TGFBRAP1: variants seen among roughly 807,000 people sequenced by gnomAD.
TGFBRAP1 encodes the protein transforming growth factor-beta receptor-associated protein 1.
TGFBRAP1 carries 20 observed loss-of-function variants against 83.2 expected under a neutral mutation model. The observed-to-expected ratio is 0.24, with a 90% CI of 0.17 to 0.35. TGFBRAP1 has a LOEUF of 0.35. Among genes scored for constraint, TGFBRAP1 ranks in the 10% least tolerant of loss-of-function variants. TGFBRAP1 has a pLI of 1.00. For missense variants in TGFBRAP1, 950 were observed against 1,099.4 expected (o/e 0.86, Z 1.92); for synonymous variants, 415 against 459.8 (o/e 0.90, Z 1.25).
chr2:105,290,567 G>C (rs1677868442), intron 4 of TGFBRAP1, among the ~76,000 whole-genome samples: 1 of 151,822 alleles, frequency 6.6e-6, no homozygotes, highest in African/African-American at 2.4e-5. Flanking sequence ...GTGTATATGA[G>C]AGAAAGACAG....
chr2:105,288,707 A>G (rs536108179), intron 4 of TGFBRAP1, among the ~76,000 whole-genome samples: 1 of 152,324 alleles, frequency 6.6e-6, no homozygotes, highest in Non-Finnish European at 1.5e-5. Context: ...AAACCATGTA[A>G]GTTATTGTCT....
At chr2:105,328,025 T>G (rs1679271815) in intron 1 of TGFBRAP1, among the ~76,000 whole-genome samples, 1 of 152,204 alleles carries the variant, frequency 6.6e-6, no homozygotes, top group Admixed American at 6.5e-5. Flanking sequence ...CTCTACATCC[T>G]CATTTATATT....
rs78221541 is a variant in TGFBRAP1 at position 105,298,048 on chromosome 2, A to G, written c.883+463T>C. Among the ~76,000 whole-genome samples, 779 of 152,252 alleles carry G rather than the reference A, an allele frequency of 5.1e-3. 8 individuals are homozygous for G. Among genetic ancestry groups the G allele is most frequent in the African/African-American group, 0.018 (730 of 41,552 alleles). On this transcript the variant is annotated intron_variant, in intron 3 of 11. Coordinates refer to ENST00000393359, the MANE Select transcript of TGFBRAP1 (RefSeq NM_004257.6). ...CCCTGGTCTGCTGCAGCCTCAGCTC[A>G]CGCTGCCCCTTCAAACACACCATGC...
intron 1 of TGFBRAP1, among the ~76,000 whole-genome samples, chr2:105,319,795 C>T (rs1159202920): frequency 6.7e-6 from 1 of 148,440 alleles, no homozygotes; most frequent in African/African-American, 2.5e-5. Flanking sequence ...ATATGTTTAA[C>T]ATATATAGGT....
Position 105,275,707 on chromosome 2 carries a change from G to A in TGFBRAP1, c.1522-4C>T. The A allele has an allele frequency of 6.3e-7, 1 of 1,587,316 alleles. No homozygotes were observed. On this transcript the variant is annotated splice_polypyrimidine_tract_variant and splice_region_variant and intron_variant, in intron 7 of 11. Coordinates refer to ENST00000393359, the MANE Select transcript of TGFBRAP1 (RefSeq NM_004257.6). The stretch of plus-strand genomic sequence containing the variant: ...CATTCACAATGTTCACCCACAACTG[G>A]AAAGGAATCAAAAAGAAAAAAAGAA...
chr2:105,263,922 A>C (rs1573530302), downstream of TGFBRAP1, among the ~76,000 whole-genome samples: 1 of 152,208 alleles, frequency 6.6e-6, no homozygotes, highest in East Asian at 1.9e-4. Flanking sequence ...GAGGATTATC[A>C]TGTGTGTGAA....
intron 1 of TGFBRAP1, among the ~76,000 whole-genome samples, chr2:105,322,563 T>C (rs1679098974): frequency 1.3e-5 from 2 of 152,192 alleles, no homozygotes; most frequent in Non-Finnish European, 2.9e-5. Flanking sequence ...ATCCCTTTTC[T>C]GTGTTTAGAT....
the TGFBRAP1 span, among the ~76,000 whole-genome samples, chr2:105,256,428 C>G: frequency 6.6e-5 from 10 of 152,106 alleles, no homozygotes; most frequent in African/African-American, 2.4e-4. Context: ...TTAAGGCTCC[C>G]CTCCTGGGCT....
intron 6 of TGFBRAP1, among the ~76,000 whole-genome samples, chr2:105,278,070 G>A (rs1408368910): frequency 1.5e-3 from 18 of 11,758 alleles, no homozygotes; most frequent in South Asian, 3.5e-3. Context: ...AAAAATATAT[G>A]TGTGTGTGTG....
At chr2:105,258,724 C>T in the TGFBRAP1 span, among the ~76,000 whole-genome samples, 1 of 116,550 alleles carries the variant, frequency 8.6e-6, no homozygotes, top group East Asian at 2.5e-4. Flanking sequence ...TTTCTCTCCC[C>T]ACCCCTACAC....
At chr2:105,262,096 G>A (rs946344634), downstream of TGFBRAP1, among the ~76,000 whole-genome samples, 4 of 152,090 alleles carry the variant, frequency 2.6e-5, no homozygotes, top group African/African-American at 9.7e-5. Context: ...TCCATTGCTT[G>A]GAACAGAAGG....
intron 6 of TGFBRAP1, 53 bp from the exon 7 acceptor site, chr2:105,277,724 C>T (rs551389315): frequency 1.2e-5 from 19 of 1,548,956 alleles, no homozygotes; most frequent in Middle Eastern, 1.7e-4. Flanking sequence ...CTCCTGGAGG[C>T]GACCTTCACA....
At chr2:105,257,826 C>T in the TGFBRAP1 span, among the ~76,000 whole-genome samples, 7 of 152,206 alleles carry the variant, frequency 4.6e-5, no homozygotes, top group Admixed American at 6.5e-5. Flanking sequence ...ACAAGCAAAG[C>T]TCCTGAATGG....
chr2:105,319,256 C>A (rs1398193402), intron 1 of TGFBRAP1, among the ~76,000 whole-genome samples: 1 of 151,892 alleles, frequency 6.6e-6, no homozygotes, highest in Non-Finnish European at 1.5e-5. Context: ...AGACGGGAAT[C>A]TCACCATGTT....
rs144303951 is a variant in TGFBRAP1 at position 105,307,774 on chromosome 2, G to A, written c.528C>T (p.Asp176=). ...TAEQPLAVAV[D]GHFLCLALTT... ...TCAGAGCCAGACACAGGAAGTGGCC[G>A]TCCACAGCCACAGCGAGGGGCTGCT... is the stretch of plus-strand genomic sequence containing the variant. Residue 176 remains aspartate, a synonymous_variant, in exon 2 of 12, where the codon GAC becomes GAT. Coordinates refer to ENST00000393359, the MANE Select transcript of TGFBRAP1 (RefSeq NM_004257.6). 72 of 1,614,168 alleles carry A rather than the reference G, an allele frequency of 4.5e-5. No individual in the cohort carries two copies. The African/African-American group carries it at 7.3e-4, about 16-fold the overall frequency.
chr2:105,296,574 C>T, intron 3 of TGFBRAP1, 64 bp from the exon 4 acceptor site: 4 of 1,556,806 alleles, frequency 2.6e-6, no homozygotes, highest in Non-Finnish European at 3.5e-6. Flanking sequence ...AAACACACTG[C>T]TTTCCCCAAA....
At position 105,273,525 on chromosome 2, in the gene TGFBRAP1, T is replaced by C. The variant is rs770334558; in HGVS notation, c.1812+19A>G. ...TCTCTCCAGCCCACACTCTTTAGTC[T>C]AACTTCTGCAGTGCTCACCTGCAGT... On this transcript the variant is annotated intron_variant, in intron 9 of 11. Transcript: ENST00000393359. The C allele has an allele frequency of 2.5e-5, 41 of 1,612,824 alleles. No homozygotes were observed. In the East Asian group the frequency reaches 8.9e-4, roughly 35 times the overall value.
At chr2:105,282,979 C>T (rs192694046) in intron 5 of TGFBRAP1, among the ~76,000 whole-genome samples, 2 of 152,108 alleles carry the variant, frequency 1.3e-5, no homozygotes, top group African/African-American at 4.8e-5. Flanking sequence ...TTACAAAATC[C>T]GAGGACTCTT....
intron 6 of TGFBRAP1, among the ~76,000 whole-genome samples, chr2:105,278,831 C>G (rs1466429431): frequency 6.6e-6 from 1 of 152,060 alleles, no homozygotes; most frequent in Non-Finnish European, 1.5e-5. Flanking sequence ...ACGGATCCCA[C>G]CATCCCTTGT....
Sources: allele counts gnomAD v4.1 joint callset (sites outside exome capture counted in the v4.1 genomes callset), GRCh38; gene constraint gnomAD v4.1.1; transcripts MANE v1.5; gene names NCBI Gene and HGNC (gene_info 2026-07-23, HGNC 2026-07-21).